ARAP2: variants seen among roughly 807,000 people sequenced by gnomAD.
The protein encoded by ARAP2 is arf-GAP with Rho-GAP domain, ANK repeat and PH domain-containing protein 2.
A neutral mutation model predicts 194.5 loss-of-function variants in ARAP2; 148 were observed. The observed-to-expected ratio is 0.76, with a 90% confidence interval of 0.67 to 0.87. ARAP2 has a LOEUF of 0.87. ARAP2 is among the 40% of genes least tolerant of loss of function. ARAP2 has a pLI of 0.00. For missense variants in ARAP2, 2,128 were observed against 1,989.7 expected (o/e 1.07, Z -1.32); for synonymous variants, 695 against 683.5 (o/e 1.02, Z -0.26).
intron 2 of ARAP2, among the ~76,000 whole-genome samples, chr4:36,225,891 T>C (rs533894451): frequency 5.4e-4 from 82 of 152,086 alleles, no homozygotes; most frequent in Non-Finnish European, 1.0e-3. Flanking sequence ...CAATGACCAA[T>C]CAATATCAAT....
intron 2 of ARAP2, among the ~76,000 whole-genome samples, chr4:36,227,495 T>C (rs1217454479): frequency 1.3e-5 from 2 of 152,190 alleles, no homozygotes; most frequent in African/African-American, 4.8e-5. Flanking sequence ...TAAACGGTCA[T>C]GTTTTCTCTC....
intron 24 of ARAP2, among the ~76,000 whole-genome samples, chr4:36,119,288 TAGAA>T (rs1347582557): frequency 6.6e-6 from 1 of 151,468 alleles, no homozygotes; most frequent in Non-Finnish European, 1.5e-5. Flanking sequence ...AAAATAACAA[TAGAA>T]AGAATCACTA....
At chr4:36,194,909 C>G (rs529168535) in intron 6 of ARAP2, among the ~76,000 whole-genome samples, 1 of 151,820 alleles carries the variant, frequency 6.6e-6, no homozygotes, top group African/African-American at 2.4e-5. Context: ...TTTGGCCAGG[C>G]GTGGTGGCTC....
intron 3 of ARAP2, among the ~76,000 whole-genome samples, chr4:36,051,726 C>G (rs1722702556): frequency 1.3e-5 from 2 of 152,102 alleles, no homozygotes; most frequent in South Asian, 4.1e-4. Flanking sequence ...CTTGCTTTAA[C>G]TTAGTTAAAA....
At chr4:36,136,936 A>ATG (rs1560507772) in intron 19 of ARAP2, among the ~76,000 whole-genome samples, 12 of 85,104 alleles carry the variant, frequency 1.4e-4, no homozygotes, top group African/African-American at 2.2e-4. Flanking sequence ...GCGCGCGCAC[A>ATG]CACACACACA....
At chr4:36,068,378 T>G (rs955048849) in intron 32 of ARAP2, 100 bp from the exon 33 acceptor site, 1 of 1,306,372 alleles carries the variant, frequency 7.7e-7, no homozygotes, top group African/African-American at 1.5e-5. Context: ...CTATAAAAGA[T>G]CTCATTTCTA....
intron 27 of ARAP2, among the ~76,000 whole-genome samples, chr4:36,102,228 C>T (rs1717143750): frequency 6.6e-6 from 1 of 151,986 alleles, no homozygotes; most frequent in Non-Finnish European, 1.5e-5. Context: ...ACGTCCAAAA[C>T]TGAATTCTGT....
At chr4:36,127,227 T>C (rs1724154835) in intron 21 of ARAP2, among the ~76,000 whole-genome samples, 1 of 152,082 alleles carries the variant, frequency 6.6e-6, no homozygotes, top group African/African-American at 2.4e-5. Context: ...TACATTTCAA[T>C]ACAATTTCTT....
At chr4:36,127,949 C>G (rs6814440) in intron 21 of ARAP2, among the ~76,000 whole-genome samples, 141,294 of 152,042 alleles carry the variant, frequency 0.93, 65,759 homozygotes, top group African/African-American at 0.98. Flanking sequence ...GTTAAAAACA[C>G]GTTTTACTAA....
At chr4:36,120,103 A>G (rs1397579854) in intron 23 of ARAP2, among the ~76,000 whole-genome samples, 1 of 151,590 alleles carries the variant, frequency 6.6e-6, no homozygotes, top group African/African-American at 2.4e-5. Flanking sequence ...TAACATAACT[A>G]TGAAGATAAC....
chr4:36,229,363 T>C lies in ARAP2; in HGVS notation c.124A>G (p.Asn42Asp). The change falls in exon 2 of 33, where the codon AAT becomes GAT. Residue 42 changes from asparagine to aspartate, a missense_variant. Coordinates refer to ENST00000303965, the MANE Select transcript of ARAP2 (RefSeq NM_015230.4). ...FTTVKDCAAI[N>D]DSLLQKIGIS... The stretch of plus-strand genomic sequence containing the variant: ...CCAATTTTCTGCAGCAGGCTGTCAT[T>C]TATTGCTGCACAGTCCTTCACAGTA... 6.2e-7 allele frequency: 1 copy of C among 1,614,130 alleles called. No homozygotes were observed. The highest frequency in any genetic ancestry group is 8.5e-7 in the Non-Finnish European group (1 of 1,179,988).
chr4:36,072,319 T>C (rs1266713274), intron 32 of ARAP2, among the ~76,000 whole-genome samples: 2 of 152,268 alleles, frequency 1.3e-5, no homozygotes, highest in Admixed American at 6.5e-5. Flanking sequence ...GTAAACACTT[T>C]ATAGTTTCAG....
At chr4:36,091,064 T>C (rs1713493195) in intron 28 of ARAP2, among the ~76,000 whole-genome samples, 1 of 152,172 alleles carries the variant, frequency 6.6e-6, no homozygotes, top group Non-Finnish European at 1.5e-5. Flanking sequence ...ATATAAAAAG[T>C]ACACAAATCA....
intron 8 of ARAP2, among the ~76,000 whole-genome samples, chr4:36,179,095 A>C (rs574640374): frequency 1.3e-5 from 2 of 152,350 alleles, no homozygotes; most frequent in South Asian, 4.1e-4. Flanking sequence ...CTGTTTAGGA[A>C]TGTTGTCTTT....
At chr4:36,083,733 A>G (rs1461159193) in intron 28 of ARAP2, among the ~76,000 whole-genome samples, 1 of 152,126 alleles carries the variant, frequency 6.6e-6, no homozygotes, top group Non-Finnish European at 1.5e-5. Flanking sequence ...TGATTCAAAA[A>G]CACTTGAGGT....
At position 36,067,863 on chromosome 4, in the gene ARAP2, T is replaced by C. The variant is rs745842341; in HGVS notation, c.*44A>G. On this transcript the variant is annotated 3_prime_UTR_variant, in exon 33 of 33. Coordinates refer to ENST00000303965, the MANE Select transcript of ARAP2 (RefSeq NM_015230.4). ...TTTGGAGTTACACATAAAGATTGCATACAATATTAAAAAAATAATCTGGGG... is the reference window on the plus strand; with the variant it reads ...TTTGGAGTTACACATAAAGATTGCACACAATATTAAAAAAATAATCTGGGG... 8.5e-6 allele frequency: 13 copies of C among 1,523,050 alleles called. No individual in the cohort carries two copies. In the South Asian group the frequency reaches 1.5e-4, roughly 17 times the overall value. 94.3% of individuals were successfully genotyped at this position (1,523,050 alleles called of 1,614,324 possible). A position where few individuals can be genotyped will look rare whatever the true frequency, so the allele number is the denominator to read the frequency against.
intron 5 of ARAP2, among the ~76,000 whole-genome samples, chr4:36,211,183 C>T (rs1270116310): frequency 6.6e-6 from 1 of 152,126 alleles, no homozygotes; most frequent in Non-Finnish European, 1.5e-5. Context: ...CTCTAATCAA[C>T]TCCAAGGACC....
rs1720626037 is a variant in ARAP2, at chr4:36,113,776, A to T, written c.4156+394T>A. 2.0e-5 allele frequency among the ~76,000 whole-genome samples: 3 copies of T among 151,980 alleles called. No individual in the cohort carries two copies. In the South Asian group the frequency reaches 6.2e-4, roughly 31 times the overall value. ...TAAAGATAGAAAAAAGAAAAATAAA[A>T]AATGAAGCTTCTGCTGCTCTTAAAA... is the stretch of plus-strand genomic sequence containing the variant. On this transcript the variant is annotated intron_variant, in intron 26 of 32. Coordinates refer to ENST00000303965, the MANE Select transcript of ARAP2 (RefSeq NM_015230.4).
intron 20 of ARAP2, among the ~76,000 whole-genome samples, chr4:36,130,585 C>T (rs150528048): frequency 6.6e-6 from 1 of 151,942 alleles, no homozygotes; most frequent in Non-Finnish European, 1.5e-5. Flanking sequence ...TAAAATTTAC[C>T]CCTACACCAT....
Sources: allele counts gnomAD v4.1 joint callset (sites outside exome capture counted in the v4.1 genomes callset), GRCh38; gene constraint gnomAD v4.1.1; transcripts MANE v1.5; gene names NCBI Gene and HGNC (gene_info 2026-07-23, HGNC 2026-07-21).